The following OSBPL8 variants were observed in gnomAD, a reference collection of about 807,000 sequenced individuals.
The protein encoded by OSBPL8 is oxysterol-binding protein-related protein 8.
A neutral mutation model predicts 125.5 loss-of-function variants in OSBPL8; 59 were observed. The ratio of observed to expected loss-of-function variants is 0.47; its 90% CI spans 0.38 to 0.58. The LOEUF is 0.58. OSBPL8 is among the 20% of genes least tolerant of loss of function. The pLI is 0.00. For missense variants in OSBPL8, 758 were observed against 1,047.8 expected, an observed-to-expected ratio of 0.72 and a Z score of 3.82; for synonymous variants, 330 against 338.9, an observed-to-expected ratio of 0.97 and a Z score of 0.29.
intron 5 of OSBPL8, among the ~76,000 whole-genome samples, chr12:76,409,503 T>C (rs879751619): frequency 6.6e-6 from 1 of 152,194 alleles, no homozygotes; most frequent in East Asian, 1.9e-4. Context: ...ACAGAACTTA[T>C]GTTAAATAAA....
chr12:76,522,508 T>C (rs1950048458), intron 1 of OSBPL8, among the ~76,000 whole-genome samples: 2 of 152,134 alleles, frequency 1.3e-5, no homozygotes, highest in Admixed American at 1.3e-4. Flanking sequence ...TCTGGCAAGA[T>C]GGGATGAGTT....
At chr12:76,482,776 G>A (rs1463856649) in intron 2 of OSBPL8, among the ~76,000 whole-genome samples, 1 of 152,164 alleles carries the variant, frequency 6.6e-6, no homozygotes, top group Non-Finnish European at 1.5e-5. Flanking sequence ...AGTGAAAACT[G>A]TAAACTTTCA....
chr12:76,462,753 A>G (rs11614813), intron 2 of OSBPL8, among the ~76,000 whole-genome samples: 26,606 of 152,132 alleles, frequency 0.17, 2,492 homozygotes, highest in Middle Eastern at 0.24. Flanking sequence ...GAAGGCTTCA[A>G]TACAGAGTTG....
chr12:76,544,532 T>C (rs1950731944), intron 1 of OSBPL8, among the ~76,000 whole-genome samples: 1 of 152,144 alleles, frequency 6.6e-6, no homozygotes, highest in African/African-American at 2.4e-5. Context: ...AGTTCTAGAA[T>C]AATAATTTTA....
chr12:76,510,740 G>C (rs1681733594), intron 1 of OSBPL8, among the ~76,000 whole-genome samples: 1 of 152,044 alleles, frequency 6.6e-6, no homozygotes, highest in Non-Finnish European at 1.5e-5. Context: ...AATTAGCCAG[G>C]TGTAGTGGCG....
At chr12:76,456,289 A>C (rs1031871497) in intron 3 of OSBPL8, among the ~76,000 whole-genome samples, 2 of 152,192 alleles carry the variant, frequency 1.3e-5, no homozygotes, top group African/African-American at 4.8e-5. Context: ...TAGATCACGT[A>C]CTTTTTTCAT....
At chr12:76,475,919 C>T (rs960666520) in intron 2 of OSBPL8, among the ~76,000 whole-genome samples, 3 of 152,128 alleles carry the variant, frequency 2.0e-5, no homozygotes, top group Admixed American at 6.5e-5. Context: ...TTAAACTGTG[C>T]GTGTACACAC....
At chr12:76,367,509 T>C (rs1027474798) in intron 21 of OSBPL8, among the ~76,000 whole-genome samples, 1 of 152,208 alleles carries the variant, frequency 6.6e-6, no homozygotes, top group Non-Finnish European at 1.5e-5. Flanking sequence ...TTTATTTTAA[T>C]CAATTTTTAC....
intron 4 of OSBPL8, among the ~76,000 whole-genome samples, chr12:76,435,964 T>C (rs1871392735): frequency 6.6e-6 from 1 of 152,030 alleles, no homozygotes; most frequent in Non-Finnish European, 1.5e-5. Flanking sequence ...ATAACTAAGC[T>C]CTCAAAACAT....
intron 1 of OSBPL8, among the ~76,000 whole-genome samples, chr12:76,491,650 G>A (rs543617292): frequency 1.3e-5 from 2 of 152,174 alleles, no homozygotes; most frequent in Non-Finnish European, 2.9e-5. Flanking sequence ...TTCAAGGACA[G>A]AGGCTATTTT....
chr12:76,356,529 T>C (rs1951993761), intron 23 of OSBPL8, 97 bp downstream of exon 23: 3 of 727,286 alleles, frequency 4.1e-6, no homozygotes, highest in Non-Finnish European at 6.6e-6. Flanking sequence ...TAGCTAAATG[T>C]TATAAAAATA....
chr12:76,406,823 G>A (rs1954280968), intron 5 of OSBPL8, among the ~76,000 whole-genome samples: 1 of 151,990 alleles, frequency 6.6e-6, no homozygotes, highest in Admixed American at 6.6e-5. Context: ...AGGTTGCCCA[G>A]GCTGGTCTCG....
At chr12:76,412,830 T>C (rs1247278619) in intron 4 of OSBPL8, among the ~76,000 whole-genome samples, 1 of 152,190 alleles carries the variant, frequency 6.6e-6, no homozygotes, top group Non-Finnish European at 1.5e-5. Flanking sequence ...TTAAAACTCA[T>C]GCTGTTTCTA....
At chr12:76,550,228 T>C (rs952738478) in intron 1 of OSBPL8, among the ~76,000 whole-genome samples, 1 of 152,156 alleles carries the variant, frequency 6.6e-6, no homozygotes, top group East Asian at 1.9e-4. Flanking sequence ...ATTTTGGTCA[T>C]ATCCAAATTT....
intron 1 of OSBPL8, among the ~76,000 whole-genome samples, chr12:76,517,216 C>G (rs1407462851): frequency 2.6e-5 from 4 of 152,132 alleles, no homozygotes; most frequent in Non-Finnish European, 5.9e-5. Flanking sequence ...TAAATATGTT[C>G]TCTTTACAAT....
intron 5 of OSBPL8, among the ~76,000 whole-genome samples, chr12:76,405,761 A>C (rs1404554664): frequency 1.3e-5 from 2 of 152,168 alleles, no homozygotes; most frequent in Non-Finnish European, 2.9e-5. Context: ...TTTGTTGGGG[A>C]TAGTTTACTA....
rs1953873819 is a variant in OSBPL8, at chr12:76,397,736, G to A, written c.630C>T (p.Phe210=). The change falls in exon 8 of 24, where the codon TTC becomes TTT. Residue 210 remains phenylalanine, a synonymous_variant. Transcript: ENST00000261183. ...ERPSKKDGFC[F]KLFHPLEQSI... ...ATTGCTCCAAAGGATGGAAAAGTTT[G>A]AAACAAAAGCCATCCTTTTTTGATG... 1.2e-6 allele frequency: 2 copies of A among 1,614,024 alleles called. No homozygotes were observed. The highest frequency in any genetic ancestry group is 1.7e-5 in the Admixed American group (1 of 60,012).
chr12:76,396,091 G>T (rs991813339), intron 8 of OSBPL8, among the ~76,000 whole-genome samples: 3 of 150,748 alleles, frequency 2.0e-5, no homozygotes, highest in Non-Finnish European at 4.4e-5. Context: ...ATTTTTTGTT[G>T]TTTAAAAAGG....
chr12:76,515,951 T>C (rs1402081712), intron 1 of OSBPL8, among the ~76,000 whole-genome samples: 1 of 152,128 alleles, frequency 6.6e-6, no homozygotes, highest in African/African-American at 2.4e-5. Flanking sequence ...AAATAACCTA[T>C]GGATTGAAGA....
Sources: gnomAD v4.1 joint callset for allele counts (sites outside exome capture counted in the v4.1 genomes callset) on GRCh38, gnomAD v4.1.1 for gene constraint, MANE v1.5 for transcripts, NCBI Gene and HGNC (gene_info 2026-07-23, HGNC 2026-07-21) for gene names.